Variants in ADARB2 observed in about 807,000 individuals in gnomAD.
ADARB2 encodes the protein adenosine deaminase RNA specific B2 (inactive).
ADARB2 carries 25 observed loss-of-function variants against 62.2 expected under a neutral mutation model. That is an observed-to-expected ratio of 0.40 (90% CI 0.29 to 0.56). The LOEUF (loss-of-function observed/expected upper bound fraction) is 0.56. Ranked by LOEUF, ADARB2 falls within the 20% of genes least tolerant of loss-of-function variation. ADARB2 has a pLI of 0.43. For missense variants in ADARB2, 1,071 were observed against 1,077.4 expected, an observed-to-expected ratio of 0.99 and a Z score of 0.08; for synonymous variants, 572 against 500.8, an observed-to-expected ratio of 1.14 and a Z score of -1.90.
At chr10:1,355,263 C>G (rs79837075) in intron 3 of ADARB2, among the ~76,000 whole-genome samples, 1 of 152,198 alleles carries the variant, frequency 6.6e-6, no homozygotes, top group Admixed American at 6.5e-5. Context: ...GAACAGTGTT[C>G]TGTGTCCTCC....
chr10:1,610,048 A>AT (rs34034912), intron 1 of ADARB2, among the ~76,000 whole-genome samples: 47,261 of 150,094 alleles, frequency 0.31, 8,054 homozygotes, highest in Non-Finnish European at 0.39. Context: ...GGATTGCTGC[A>AT]TTTTTTTTTT....
At chr10:1,458,235 T>C (rs1460421008) in intron 1 of ADARB2, among the ~76,000 whole-genome samples, 3 of 152,152 alleles carry the variant, frequency 2.0e-5, no homozygotes, top group Non-Finnish European at 4.4e-5. Flanking sequence ...TGCACCCACA[T>C]TTAAATTTCT....
intron 1 of ADARB2, among the ~76,000 whole-genome samples, chr10:1,391,096 T>C (rs1016769475): frequency 1.3e-5 from 2 of 152,224 alleles, no homozygotes. Context: ...TTTTGTCTGT[T>C]CTTTTCAGCC....
chr10:1,200,305 T>A, intron 7 of ADARB2, 158 bp from the exon 8 acceptor site: 1 of 893,216 alleles, frequency 1.1e-6, no homozygotes, highest in Non-Finnish European at 1.8e-6. Context: ...AACCCAGCCA[T>A]CACTGGGGCT....
At position 1,255,350 on chromosome 10, in the gene ADARB2, A is replaced by G. The variant is rs1173718469; in HGVS notation, c.1193-13051T>C. On this transcript the variant is annotated intron_variant, in intron 4 of 9. Coordinates refer to ENST00000381312, the MANE Select transcript of ADARB2 (RefSeq NM_018702.4). This position sits in a 1 kb window ranked among gnomAD's most constrained non-coding sequence, Gnocchi z 4.7. ...TCACGTAGCTTGTCCTCGTCAGTGC[A>G]GCTGACGCTCACCAAGCCTTCTGTG... 6.6e-6 allele frequency among the ~76,000 whole-genome samples: 1 copy of G among 152,248 alleles called. No homozygotes were observed. The highest frequency in any genetic ancestry group is 2.1e-4 in the South Asian group (1 of 4,836).
chr10:1,441,569 A>G (rs533922656), intron 1 of ADARB2, among the ~76,000 whole-genome samples: 19 of 152,322 alleles, frequency 1.2e-4, no homozygotes, highest in African/African-American at 4.6e-4. Context: ...AATCCTTCCT[A>G]TGAAGTAGGT....
intron 7 of ADARB2, among the ~76,000 whole-genome samples, chr10:1,212,071 G>A (rs186082294): frequency 7.9e-4 from 121 of 152,212 alleles, no homozygotes; most frequent in Non-Finnish European, 1.3e-3. Flanking sequence ...CTTCACAGAC[G>A]GTGACTTCCA....
At chr10:1,214,027 C>T (rs1377737332) in intron 7 of ADARB2, among the ~76,000 whole-genome samples, 1 of 147,654 alleles carries the variant, frequency 6.8e-6, no homozygotes, top group East Asian at 2.1e-4. Flanking sequence ...CACCTGTGTC[C>T]AGCGTTGTGT....
chr10:1,214,873 T>C (rs902430097), intron 7 of ADARB2, among the ~76,000 whole-genome samples: 1 of 152,230 alleles, frequency 6.6e-6, no homozygotes, highest in African/African-American at 2.4e-5. Context: ...CCACTGTCAT[T>C]AGGCTGACCC....
chr10:1,698,371 T>C (rs1834775131), intron 1 of ADARB2, among the ~76,000 whole-genome samples: 1 of 152,096 alleles, frequency 6.6e-6, no homozygotes, highest in South Asian at 2.1e-4. Context: ...ACAAAGGCGG[T>C]CTCCACAGCC....
At chr10:1,721,963 C>T (rs918701557) in intron 1 of ADARB2, among the ~76,000 whole-genome samples, 4 of 152,108 alleles carry the variant, frequency 2.6e-5, no homozygotes, top group Non-Finnish European at 5.9e-5. Flanking sequence ...AAAATGCCAC[C>T]AAGAATCGGG....
At chr10:1,674,274 C>G (rs1834432602) in intron 1 of ADARB2, among the ~76,000 whole-genome samples, 1 of 152,250 alleles carries the variant, frequency 6.6e-6, no homozygotes, top group Non-Finnish European at 1.5e-5. Context: ...GGGGCCCCCG[C>G]AGCCTCAAAT....
Position 1,704,285 on chromosome 10 carries a change from ATAAT to A in ADARB2, c.100+32762_100+32765del, listed in dbSNP as rs1834860018. Reference sequence around the variant, plus strand: ...ATATTACATTGTAATATATAATGAAATAATTATATAACTCAGCATAATGTAGAAT... The same window carrying A: ...ATATTACATTGTAATATATAATGAAATATATAACTCAGCATAATGTAGAAT... On this transcript the variant is annotated intron_variant, in intron 1 of 9. Transcript: ENST00000381312. The surrounding 1 kb of genome is among the most constrained non-coding windows in gnomAD (Gnocchi z 5.6). Among the ~76,000 whole-genome samples the A allele has an allele frequency of 6.6e-6, 1 of 152,246 alleles. No individual in the cohort carries two copies.
intron 1 of ADARB2, among the ~76,000 whole-genome samples, chr10:1,689,656 C>T (rs1482078180): frequency 6.6e-6 from 1 of 152,216 alleles, no homozygotes; most frequent in Non-Finnish European, 1.5e-5. Flanking sequence ...CTGCAGTTCA[C>T]CTAACTTGAT....
intron 1 of ADARB2, among the ~76,000 whole-genome samples, chr10:1,516,866 G>T (rs1452966537): frequency 6.6e-6 from 1 of 152,220 alleles, no homozygotes; most frequent in Admixed American, 6.5e-5. Context: ...GCGCATGGAA[G>T]TTGGCTGGGT....
chr10:1,688,393 C>G (rs1488710129), intron 1 of ADARB2, among the ~76,000 whole-genome samples: 1 of 152,224 alleles, frequency 6.6e-6, no homozygotes, highest in Non-Finnish European at 1.5e-5. Flanking sequence ...TCATGTGGGT[C>G]CCATTCCAAG....
intron 1 of ADARB2, among the ~76,000 whole-genome samples, chr10:1,643,743 T>A (rs1834004244): frequency 6.6e-6 from 1 of 152,136 alleles, no homozygotes; most frequent in Non-Finnish European, 1.5e-5. Context: ...CAAAATCAAG[T>A]TTTTTTCTTT....
At chr10:1,349,476 C>T (rs1832113489) in intron 3 of ADARB2, among the ~76,000 whole-genome samples, 5 of 152,184 alleles carry the variant, frequency 3.3e-5, no homozygotes, top group Admixed American at 1.3e-4. Context: ...AATCCCCTGT[C>T]CTCCTGCTCT....
At chr10:1,294,919 A>G (rs77919871) in intron 3 of ADARB2, among the ~76,000 whole-genome samples, 3,882 of 152,306 alleles carry the variant, frequency 0.025, 162 homozygotes, top group African/African-American at 0.087. Flanking sequence ...CAATTGTGAT[A>G]GGATGCCTGG....
Sources: gnomAD v4.1 joint callset for allele counts (sites outside exome capture counted in the v4.1 genomes callset) on GRCh38, gnomAD v4.1.1 for gene constraint, Gnocchi (gnomAD v3.1) non-coding constraint, MANE v1.5 for transcripts, NCBI Gene and HGNC (gene_info 2026-07-23, HGNC 2026-07-21) for gene names.